The following ELMO1 variants were observed in gnomAD, a reference collection of about 807,000 sequenced individuals.
The protein encoded by ELMO1 is engulfment and cell motility protein 1.
In ELMO1, 26 loss-of-function variants were observed where a neutral mutation model predicts 98.9. The observed-to-expected ratio is 0.26, with a 90% CI of 0.19 to 0.36. The LOEUF is 0.36. Ranked by LOEUF, ELMO1 falls within the 10% of genes least tolerant of loss-of-function variation. ELMO1 has a pLI of 1.00. For missense variants in ELMO1, 627 were observed against 935.2 expected (o/e 0.67, Z 4.30); for synonymous variants, 346 against 346.0 (o/e 1.00, Z 0.00).
intron 16 of ELMO1, among the ~76,000 whole-genome samples, chr7:36,933,518 G>A (rs1187061337): frequency 6.6e-6 from 1 of 152,192 alleles, no homozygotes; most frequent in Non-Finnish European, 1.5e-5. Flanking sequence ...TGCTCTGTGT[G>A]AAATACTCTC....
At chr7:36,889,249 G>A (rs1805334691) in intron 17 of ELMO1, among the ~76,000 whole-genome samples, 1 of 152,166 alleles carries the variant, frequency 6.6e-6, no homozygotes, top group South Asian at 2.1e-4. Context: ...TGGAAATTCA[G>A]TCCTAATAAT....
chr7:37,188,496 A>ATATT (rs1468096238), intron 13 of ELMO1, among the ~76,000 whole-genome samples: 1 of 87,070 alleles, frequency 1.1e-5, no homozygotes, highest in African/African-American at 3.6e-5. Flanking sequence ...GTAAAAAAAA[A>ATATT]AAAAAAATAA....
At chr7:37,052,239 C>T (rs1435950043) in intron 15 of ELMO1, among the ~76,000 whole-genome samples, 1 of 152,184 alleles carries the variant, frequency 6.6e-6, no homozygotes, top group East Asian at 1.9e-4. Context: ...CTACTCCAGA[C>T]AGGCCAAGTT....
chr7:37,338,815 T>C (rs1000740640), intron 2 of ELMO1, among the ~76,000 whole-genome samples: 6 of 152,182 alleles, frequency 3.9e-5, no homozygotes, highest in African/African-American at 1.4e-4. Context: ...CAGGAACCAG[T>C]GAGTTGATAA....
At chr7:37,204,260 G>A (rs900899917) in intron 13 of ELMO1, 3 of 454,656 alleles carry the variant, frequency 6.6e-6, no homozygotes, top group African/African-American at 6.0e-5. Context: ...AGTTCTTAAA[G>A]ATGGTGTGTC....
intron 15 of ELMO1, among the ~76,000 whole-genome samples, chr7:37,047,990 C>T (rs576509865): frequency 6.6e-6 from 1 of 152,274 alleles, no homozygotes; most frequent in Admixed American, 6.5e-5. Flanking sequence ...TCTGAAAAAT[C>T]ATTCCACTCT....
At chr7:37,061,671 A>C (rs987574967) in intron 15 of ELMO1, among the ~76,000 whole-genome samples, 13 of 152,322 alleles carry the variant, frequency 8.5e-5, no homozygotes, top group African/African-American at 2.4e-4. Flanking sequence ...GGGGTACCCT[A>C]AGGAGACTAT....
At position 36,858,811 on chromosome 7, in the gene ELMO1, A is replaced by G. The variant is rs551423533; in HGVS notation, c.1983+2848T>C. Among the ~76,000 whole-genome samples the G allele has an allele frequency of 2.0e-5, 3 of 152,304 alleles. No homozygotes were observed. In the East Asian group the frequency reaches 5.8e-4, roughly 29 times the overall value. ...GCAGGTGGACTCTTGAGTGAAAAAG[A>G]CAAGGGAAAATTCTTCCCTAGAGCC... On this transcript the variant is annotated intron_variant, in intron 21 of 21. Transcript: ENST00000310758.
intron 13 of ELMO1, among the ~76,000 whole-genome samples, chr7:37,167,915 A>G (rs1217095738): frequency 6.6e-6 from 1 of 151,960 alleles, no homozygotes; most frequent in Non-Finnish European, 1.5e-5. Context: ...GTTCTCCTGG[A>G]TAATATCCTG....
At position 36,901,188 on chromosome 7, in the gene ELMO1, G is replaced by A. The variant is rs552169705; in HGVS notation, c.1438-6171C>T. Among the ~76,000 whole-genome samples the A allele has an allele frequency of 2.6e-5, 4 of 152,312 alleles. No homozygotes were observed. The East Asian group carries it at 5.8e-4, about 22-fold the overall frequency. ...AAACTCAAAATAGTTTCACTTTATAGTTTTGCCAGATCAGGGAGTGGAGTA... is the reference window on the plus strand; with the variant it reads ...AAACTCAAAATAGTTTCACTTTATAATTTTGCCAGATCAGGGAGTGGAGTA... On this transcript the variant is annotated intron_variant, in intron 16 of 21. Coordinates refer to ENST00000310758, the MANE Select transcript of ELMO1 (RefSeq NM_014800.11).
chr7:36,880,030 CCTGTGGGGG>C (rs1316705754), intron 18 of ELMO1, among the ~76,000 whole-genome samples: 2 of 152,198 alleles, frequency 1.3e-5, no homozygotes, highest in Non-Finnish European at 2.9e-5. Flanking sequence ...CTCTTGGGGG[CCTGTGGGGG>C]CTGCCTCTCC....
At chr7:36,885,527 T>C (rs965347795) in intron 18 of ELMO1, among the ~76,000 whole-genome samples, 1 of 152,198 alleles carries the variant, frequency 6.6e-6, no homozygotes, top group African/African-American at 2.4e-5. Context: ...TGGGTGTCTA[T>C]TTGCCATTTC....
chr7:37,409,532 G>A (rs1290751068), intron 1 of ELMO1, among the ~76,000 whole-genome samples: 1 of 152,190 alleles, frequency 6.6e-6, no homozygotes, highest in Non-Finnish European at 1.5e-5. Flanking sequence ...GCTTGCTGGG[G>A]GATCCACTTG....
At chr7:37,300,807 C>T (rs1223706341) in intron 4 of ELMO1, among the ~76,000 whole-genome samples, 2 of 151,532 alleles carry the variant, frequency 1.3e-5, no homozygotes, top group East Asian at 2.0e-4. Context: ...AGGATTCCCT[C>T]TTTTTCTATT....
At chr7:37,240,732 T>C (rs1050325415) in intron 7 of ELMO1, among the ~76,000 whole-genome samples, 5 of 152,326 alleles carry the variant, frequency 3.3e-5, no homozygotes, top group Admixed American at 6.5e-5. Flanking sequence ...CCTTGACTCT[T>C]TGATAGTATG....
intron 2 of ELMO1, among the ~76,000 whole-genome samples, chr7:37,323,600 G>T (rs1051243809): frequency 6.6e-6 from 1 of 152,158 alleles, no homozygotes; most frequent in Non-Finnish European, 1.5e-5. Context: ...TGAGGCAGGA[G>T]AATTGCTTGG....
Position 37,167,788 on chromosome 7 carries a change from A to T in ELMO1, c.1087-34554T>A, listed in dbSNP as rs530305180. Among the ~76,000 whole-genome samples, 385 of 150,266 alleles carry T rather than the reference A, an allele frequency of 2.6e-3. 13 individuals carry two copies. The East Asian group carries it at 0.057, about 22-fold the overall frequency. ...CCCTTAACATTTTTTCCTTCATTTC[A>T]ACTTTGGTGAATCTGACAATTATGT... On this transcript the variant is annotated intron_variant, in intron 13 of 21. Transcript: ENST00000310758.
At chr7:36,988,846 G>A (rs1184701066) in intron 16 of ELMO1, among the ~76,000 whole-genome samples, 1 of 152,162 alleles carries the variant, frequency 6.6e-6, no homozygotes, top group Non-Finnish European at 1.5e-5. Context: ...TAAGGAGTCT[G>A]GTTCTTATCC....
chr7:36,897,479 C>G (rs760348724), intron 16 of ELMO1, among the ~76,000 whole-genome samples: 1 of 151,674 alleles, frequency 6.6e-6, no homozygotes, highest in African/African-American at 2.4e-5. Flanking sequence ...GTTCCTGTCA[C>G]GTGCAACCAA....
Sources: allele counts gnomAD v4.1 joint callset (sites outside exome capture counted in the v4.1 genomes callset), GRCh38; gene constraint gnomAD v4.1.1; transcripts MANE v1.5; gene names NCBI Gene and HGNC (gene_info 2026-07-23, HGNC 2026-07-21).